Variants in MAP4K4 observed in about 807,000 individuals in gnomAD.
The protein encoded by MAP4K4 is HPK/GCK-like kinase HGK.
MAP4K4 carries 38 observed loss-of-function variants against 189.6 expected under a neutral mutation model. That is an observed-to-expected ratio of 0.20 (90% CI 0.15 to 0.26). MAP4K4 has a LOEUF of 0.26. MAP4K4 is among the 10% of genes least tolerant of loss of function. MAP4K4 has a pLI of 1.00. For synonymous variants in MAP4K4, 610 were observed against 624.3 expected, an observed-to-expected ratio of 0.98 and a Z score of 0.34; for missense variants, 1,054 against 1,726.9, an observed-to-expected ratio of 0.61 and a Z score of 6.91.
intron 11 of MAP4K4, 62 bp downstream of exon 11, chr2:101,842,743 C>T: frequency 7.6e-7 from 1 of 1,318,060 alleles, no homozygotes; most frequent in Non-Finnish European, 1.1e-6. Context: ...TATGTTGTGC[C>T]AGGACTGCAG....
intron 3 of MAP4K4, among the ~76,000 whole-genome samples, chr2:101,818,714 A>G (rs893274218): frequency 1.3e-5 from 2 of 152,172 alleles, no homozygotes; most frequent in Admixed American, 1.3e-4. Flanking sequence ...ACTACTATGC[A>G]GATGTTCTCC....
exon 7 of MAP4K4, chr2:101,831,778 T>C: frequency 6.2e-7 from 1 of 1,609,956 alleles, no homozygotes; most frequent in Non-Finnish European, 8.5e-7. Context: ...AATACGTTCA[T>C]AGGCACTCCC....
At chr2:101,867,871 C>T (rs1005708723) in intron 20 of MAP4K4, 158 bp from the exon 21 acceptor site, 6 of 690,524 alleles carry the variant, frequency 8.7e-6, no homozygotes, top group East Asian at 2.7e-5. Context: ...TAATTGTGCA[C>T]GCTTTGTGGA....
chr2:101,881,834 C>CTG (rs1490213669), intron 27 of MAP4K4, among the ~76,000 whole-genome samples: 1 of 151,814 alleles, frequency 6.6e-6, no homozygotes, highest in Non-Finnish European at 1.5e-5. Flanking sequence ...ACGTTGCCCC[C>CTG]CATCATTTTT....
intron 4 of MAP4K4, 85 bp downstream of exon 4, chr2:101,824,138 G>C (rs556924993): frequency 6.0e-6 from 5 of 836,864 alleles, no homozygotes; most frequent in Non-Finnish European, 3.3e-6. Flanking sequence ...GGGGGAAAGA[G>C]GGGGGGAAGA....
rs970085148 is a variant in MAP4K4, at chr2:101,870,292, T to C, written c.2640-3T>C. On this transcript the variant is annotated splice_region_variant and splice_polypyrimidine_tract_variant and intron_variant, in intron 22 of 32. Coordinates refer to ENST00000324219, the Ensembl canonical transcript of MAP4K4. Reference sequence around the variant, plus strand: ...CTTTCACGTCTGGATTTTTTCTCCATAGGTCATCTCTGAATTTGAGCAATG... The same window carrying C: ...CTTTCACGTCTGGATTTTTTCTCCACAGGTCATCTCTGAATTTGAGCAATG... 6.2e-7 allele frequency: 1 copy of C among 1,612,222 alleles called. No individual in the cohort carries two copies. Among genetic ancestry groups the C allele is most frequent in the Non-Finnish European group, 8.5e-7 (1 of 1,179,130 alleles).
intron 3 of MAP4K4, among the ~76,000 whole-genome samples, chr2:101,792,412 G>A (rs969706236): frequency 1.3e-5 from 2 of 152,046 alleles, no homozygotes; most frequent in South Asian, 2.1e-4. Flanking sequence ...GTCAGGATAC[G>A]TCCTCTTTCA....
intron 2 of MAP4K4, among the ~76,000 whole-genome samples, chr2:101,784,382 G>A (rs573519937): frequency 3.2e-4 from 48 of 152,160 alleles, no homozygotes; most frequent in African/African-American, 1.1e-3. Context: ...GCAGTGTGGG[G>A]CATGTCCTGA....
At chr2:101,812,111 C>T (rs1457319296) in intron 3 of MAP4K4, among the ~76,000 whole-genome samples, 1 of 152,044 alleles carries the variant, frequency 6.6e-6, no homozygotes, top group African/African-American at 2.4e-5. Context: ...AATTTAGTTC[C>T]CTCATTATAT....
intron 13 of MAP4K4, among the ~76,000 whole-genome samples, chr2:101,856,668 C>T (rs1026999986): frequency 2.0e-5 from 3 of 152,038 alleles, no homozygotes; most frequent in Non-Finnish European, 2.9e-5. Context: ...ATAATATTTG[C>T]AGCATTTTAT....
intron 26 of MAP4K4, 40 bp from the exon 27 acceptor site, chr2:101,876,963 C>T (rs778743922): frequency 1.9e-6 from 3 of 1,609,126 alleles, no homozygotes; most frequent in Non-Finnish European, 1.7e-6. Context: ...ATTTGCCAAG[C>T]ACAGCATAAA....
chr2:101,723,971 C>T (rs2149478734), intron 2 of MAP4K4, among the ~76,000 whole-genome samples: 1 of 152,328 alleles, frequency 6.6e-6, no homozygotes, highest in South Asian at 2.1e-4. Context: ...CTGACATTTT[C>T]TTCCCTGTAA....
intron 32 of MAP4K4, 81 bp from the exon 33 acceptor site, chr2:101,891,085 G>T: frequency 9.3e-7 from 1 of 1,074,662 alleles, no homozygotes; most frequent in Non-Finnish European, 1.4e-6. Context: ...ACAGTGTTGA[G>T]GATGATGGTG....
At chr2:101,820,392 C>T (rs1576219739) in intron 3 of MAP4K4, among the ~76,000 whole-genome samples, 1 of 152,280 alleles carries the variant, frequency 6.6e-6, no homozygotes, top group South Asian at 2.1e-4. Flanking sequence ...GAAGTTCTTA[C>T]TACAGGAACA....
chr2:101,758,411 T>A (rs1037878354), intron 2 of MAP4K4, among the ~76,000 whole-genome samples: 3 of 152,298 alleles, frequency 2.0e-5, no homozygotes, highest in East Asian at 1.9e-4. Context: ...ACTGTGTGGG[T>A]CCACTTAGAT....
At chr2:101,826,660 C>G (rs377125617) in intron 5 of MAP4K4, among the ~76,000 whole-genome samples, 10 of 152,140 alleles carry the variant, frequency 6.6e-5, no homozygotes, top group East Asian at 3.9e-4. Flanking sequence ...TGGTTGGAGA[C>G]TAGCATAAGT....
At chr2:101,783,768 C>A (rs1460235512) in intron 2 of MAP4K4, among the ~76,000 whole-genome samples, 1 of 152,178 alleles carries the variant, frequency 6.6e-6, no homozygotes. Context: ...GAGAAGCAGC[C>A]AGGTCTTCTC....
chr2:101,871,408 C>T, intron 23 of MAP4K4, 86 bp from the exon 24 acceptor site: 1 of 1,072,836 alleles, frequency 9.3e-7, no homozygotes. Context: ...TTATAAGTCA[C>T]ACAGCACCTT....
At position 101,829,495 on chromosome 2, in the gene MAP4K4, C is replaced by T. The variant is rs1186389210; in HGVS notation, c.418-9C>T. 3 of 1,596,178 alleles carry T rather than the reference C, an allele frequency of 1.9e-6. No individual in the cohort carries two copies. Among genetic ancestry groups the T allele is most frequent in the Non-Finnish European group, 1.7e-6 (2 of 1,167,894 alleles). Reference sequence around the variant, plus strand: ...AAAACTAAAATTCAGGTCTGTCTTTCCTATTCAGGGACTGGCACATCTTCA... The same window carrying T: ...AAAACTAAAATTCAGGTCTGTCTTTTCTATTCAGGGACTGGCACATCTTCA... On this transcript the variant is annotated splice_polypyrimidine_tract_variant and intron_variant, in intron 5 of 32. Transcript: ENST00000324219.
Sources: gnomAD v4.1 joint callset for allele counts (sites outside exome capture counted in the v4.1 genomes callset) on GRCh38, gnomAD v4.1.1 for gene constraint, MANE v1.5 for transcripts, NCBI Gene and HGNC (gene_info 2026-07-23, HGNC 2026-07-21) for gene names.